Variants in CEP112 observed in about 807,000 individuals in gnomAD.
The protein encoded by CEP112 is centrosomal protein 112, also known as centrosomal protein of 112 kDa.
Under a neutral mutation model 153.0 loss-of-function variants are expected in CEP112, and 127 were observed. That is an observed-to-expected ratio of 0.83 (90% CI 0.72 to 0.96). CEP112 has a LOEUF of 0.96. Ranked by LOEUF, CEP112 falls within the 40% of genes least tolerant of loss-of-function variation. The pLI is 0.00. For missense variants in CEP112, 1,089 were observed against 1,101.2 expected, an observed-to-expected ratio of 0.99 and a Z score of 0.16; for synonymous variants, 358 against 374.4, an observed-to-expected ratio of 0.96 and a Z score of 0.51.
chr17:65,679,455 G>A (rs932520640), intron 24 of CEP112, among the ~76,000 whole-genome samples: 1 of 152,074 alleles, frequency 6.6e-6, no homozygotes, highest in Non-Finnish European at 1.5e-5. Flanking sequence ...TTTTCATAAC[G>A]TGCTTTGGGA....
intron 20 of CEP112, among the ~76,000 whole-genome samples, chr17:65,869,270 T>G (rs539452654): frequency 6.6e-6 from 1 of 152,344 alleles, no homozygotes; most frequent in East Asian, 1.9e-4. Context: ...TGAGAGCCAA[T>G]AAGGCATATT....
intron 23 of CEP112, among the ~76,000 whole-genome samples, chr17:65,698,397 T>G (rs1361064569): frequency 6.6e-6 from 1 of 152,212 alleles, no homozygotes; most frequent in African/African-American, 2.4e-5. Context: ...CTTCTCTCGC[T>G]CACCTATTTT....
At chr17:65,690,498 G>A (rs547885501) in intron 23 of CEP112, among the ~76,000 whole-genome samples, 1 of 150,578 alleles carries the variant, frequency 6.6e-6, no homozygotes, top group South Asian at 2.1e-4. Flanking sequence ...TAGGCAATAA[G>A]CAAACAGTAA....
chr17:66,150,770 A>G (rs1208725330), intron 4 of CEP112, among the ~76,000 whole-genome samples: 5 of 152,252 alleles, frequency 3.3e-5, no homozygotes, highest in African/African-American at 1.2e-4. Flanking sequence ...TGCTCCATCA[A>G]TTCCCAAGAA....
At chr17:65,977,285 G>A (rs2063072865) in intron 17 of CEP112, among the ~76,000 whole-genome samples, 1 of 152,252 alleles carries the variant, frequency 6.6e-6, no homozygotes, top group Middle Eastern at 3.4e-3. Flanking sequence ...CGTAGTGGCT[G>A]CCTAGTCAAC....
intron 25 of CEP112, among the ~76,000 whole-genome samples, chr17:65,638,392 C>G (rs949787364): frequency 1.3e-5 from 2 of 152,176 alleles, no homozygotes; most frequent in Admixed American, 6.5e-5. Context: ...ATTCTTACGT[C>G]TTTGGTCTGA....
chr17:65,734,561 ATAAC>A (rs1348044537), intron 23 of CEP112, among the ~76,000 whole-genome samples: 1 of 152,262 alleles, frequency 6.6e-6, no homozygotes, highest in African/African-American at 2.4e-5. Context: ...TAATAGAAAA[ATAAC>A]TATTTTCCAA....
intron 20 of CEP112, among the ~76,000 whole-genome samples, chr17:65,896,671 C>T (rs2059670748): frequency 6.6e-6 from 1 of 151,862 alleles, no homozygotes; most frequent in Non-Finnish European, 1.5e-5. Flanking sequence ...ATTTTTGCCC[C>T]CTCTATTTGG....
At chr17:66,123,646 C>T (rs2069702380) in intron 6 of CEP112, among the ~76,000 whole-genome samples, 1 of 152,186 alleles carries the variant, frequency 6.6e-6, no homozygotes, top group Non-Finnish European at 1.5e-5. Context: ...GAAATAGAAA[C>T]CCCCTCTTCT....
intron 21 of CEP112, among the ~76,000 whole-genome samples, chr17:65,823,936 CATT>C (rs2056716157): frequency 1.3e-5 from 2 of 152,140 alleles, no homozygotes. Context: ...ACTAAAATAA[CATT>C]ATTAACTCCA....
intron 23 of CEP112, among the ~76,000 whole-genome samples, chr17:65,706,509 A>T (rs2048921502): frequency 1.3e-5 from 2 of 152,186 alleles, no homozygotes. Flanking sequence ...ATCAAGAAAG[A>T]TACACACAGT....
At chr17:66,109,185 A>C (rs1157403539) in intron 6 of CEP112, among the ~76,000 whole-genome samples, 1 of 152,196 alleles carries the variant, frequency 6.6e-6, no homozygotes, top group Non-Finnish European at 1.5e-5. Context: ...GAGAGAATGA[A>C]TAAGACCTAG....
chr17:65,706,890 T>C (rs1598362434), intron 23 of CEP112, among the ~76,000 whole-genome samples: 1 of 152,348 alleles, frequency 6.6e-6, no homozygotes, highest in South Asian at 2.1e-4. Context: ...CAAGTTTCTC[T>C]ATCTCACTGC....
chr17:65,947,379 A>ACCC lies in CEP112; in HGVS notation c.1872+14083_1872+14084insGGG, dbSNP rs2061684561. Among the ~76,000 whole-genome samples the ACCC allele has an allele frequency of 3.9e-5, 6 of 152,288 alleles. 1 individual carries two copies. The South Asian group carries it at 1.2e-3, about 32-fold the overall frequency. Reference sequence around the variant, plus strand: ...TTCATAAATTTTTTATGAATAAATGAAAGAAAAAATCCCGTCTGTTGAATC... The same window carrying ACCC: ...TTCATAAATTTTTTATGAATAAATGACCCAAGAAAAAATCCCGTCTGTTGAATC... On this transcript the variant is annotated intron_variant, in intron 18 of 26. Coordinates refer to ENST00000535342, the MANE Select transcript of CEP112 (RefSeq NM_001199165.4).
chr17:65,811,209 T>C (rs962317586), intron 21 of CEP112, among the ~76,000 whole-genome samples: 3 of 152,054 alleles, frequency 2.0e-5, no homozygotes, highest in South Asian at 2.1e-4. Flanking sequence ...GGGTTGGGGA[T>C]TGCCAATGAG....
chr17:66,070,306 G>A (rs967088230), intron 8 of CEP112, among the ~76,000 whole-genome samples: 23 of 152,104 alleles, frequency 1.5e-4, no homozygotes, highest in African/African-American at 4.8e-4. Context: ...ATTTTAAAGT[G>A]ATATTTTGCT....
chr17:66,002,529 A>G (rs888064507), intron 17 of CEP112, among the ~76,000 whole-genome samples: 4 of 152,200 alleles, frequency 2.6e-5, no homozygotes, highest in African/African-American at 9.6e-5. Context: ...AGAGACCAGC[A>G]TCTCTACAGA....
At chr17:65,701,478 T>C (rs2144589744) in intron 23 of CEP112, among the ~76,000 whole-genome samples, 2 of 152,248 alleles carry the variant, frequency 1.3e-5, no homozygotes, top group Admixed American at 1.3e-4. Flanking sequence ...TTTGGGGAAG[T>C]AAGATCATGA....
At chr17:66,125,351 T>G (rs1476304782) in intron 6 of CEP112, among the ~76,000 whole-genome samples, 1 of 151,992 alleles carries the variant, frequency 6.6e-6, no homozygotes, top group Non-Finnish European at 1.5e-5. Flanking sequence ...CCCAGACCAT[T>G]GCGTAGTATG....
Sources: gnomAD v4.1 joint callset for allele counts (sites outside exome capture counted in the v4.1 genomes callset) on GRCh38, gnomAD v4.1.1 for gene constraint, MANE v1.5 for transcripts, NCBI Gene and HGNC (gene_info 2026-07-23, HGNC 2026-07-21) for gene names.